The following PLCL1 variants were observed in gnomAD, a reference collection of about 807,000 sequenced individuals.
PLCL1 encodes the protein phospholipase C like 1 (inactive).
In PLCL1, 41 loss-of-function variants were observed where a neutral mutation model predicts 84.4. That is an observed-to-expected ratio of 0.49 (90% CI 0.38 to 0.63). PLCL1 has a LOEUF of 0.63. Among genes scored for constraint, PLCL1 ranks in the 30% least tolerant of loss-of-function variants. PLCL1 has a pLI of 0.00. For synonymous variants in PLCL1, 490 were observed against 488.3 expected (o/e 1.00, Z -0.05); for missense variants, 1,206 against 1,367.8 (o/e 0.88, Z 1.87).
At chr2:198,143,639 G>A (rs1399315900) in intron 5 of PLCL1, among the ~76,000 whole-genome samples, 1 of 152,106 alleles carries the variant, frequency 6.6e-6, no homozygotes, top group Non-Finnish European at 1.5e-5. Flanking sequence ...GAAAATGCCA[G>A]GGTGGTGGTT....
At chr2:197,960,126 G>T (rs1689581785) in intron 1 of PLCL1, among the ~76,000 whole-genome samples, 1 of 151,984 alleles carries the variant, frequency 6.6e-6, no homozygotes, top group African/African-American at 2.4e-5. Flanking sequence ...TCAGATCACT[G>T]CCTTCTTTCA....
intron 1 of PLCL1, among the ~76,000 whole-genome samples, chr2:198,043,508 A>T (rs570855736): frequency 6.6e-6 from 1 of 152,316 alleles, no homozygotes; most frequent in African/African-American, 2.4e-5. Flanking sequence ...CTTGCCATCA[A>T]CGTGGCAAGG....
chr2:197,965,641 T>C (rs770336558), intron 1 of PLCL1, among the ~76,000 whole-genome samples: 27 of 152,218 alleles, frequency 1.8e-4, no homozygotes, highest in Non-Finnish European at 3.2e-4. Flanking sequence ...ATTAGATTGC[T>C]TATTTGAAGT....
intron 1 of PLCL1, among the ~76,000 whole-genome samples, chr2:198,010,996 A>T (rs950130529): frequency 6.6e-6 from 1 of 151,706 alleles, no homozygotes; most frequent in Non-Finnish European, 1.5e-5. Flanking sequence ...AATTTTAGCC[A>T]TAGAGTCTTC....
Position 197,894,585 on chromosome 2 carries a change from G to A in PLCL1, c.240+89246G>A, listed in dbSNP as rs116523769. 4.8e-3 allele frequency among the ~76,000 whole-genome samples: 724 copies of A among 151,832 alleles called. 8 individuals carry two copies. The highest frequency in any genetic ancestry group is 0.016 in the African/African-American group (673 of 41,450). ...CATCCTTTGTAAATGTTTATTTTATGCATGCATGTAAATTAGTTAAGAATT... is the reference window on the plus strand; with the variant it reads ...CATCCTTTGTAAATGTTTATTTTATACATGCATGTAAATTAGTTAAGAATT... On this transcript the variant is annotated intron_variant, in intron 1 of 5. Transcript: ENST00000428675.
Position 198,090,672 on chromosome 2 carries a change from T to C in PLCL1, c.2919+1611T>C, listed in dbSNP as rs950111314. Among the ~76,000 whole-genome samples the C allele has an allele frequency of 1.8e-4, 28 of 152,226 alleles. 1 individual carries two copies. The highest frequency in any genetic ancestry group is 1.6e-3 in the Admixed American group (24 of 15,284). ...TTTCATGAAATCAACTTTTTCATCA[T>C]AAAAATGGGGACTGAAAGCTATTCA... On this transcript the variant is annotated intron_variant, in intron 3 of 5. Transcript: ENST00000428675.
chr2:198,111,485 C>T (rs988564866), intron 5 of PLCL1, among the ~76,000 whole-genome samples: 1 of 151,844 alleles, frequency 6.6e-6, no homozygotes, highest in East Asian at 1.9e-4. Flanking sequence ...TCTTCAACTA[C>T]CCCTTATAAT....
chr2:197,914,335 T>A (rs1017962468), intron 1 of PLCL1, among the ~76,000 whole-genome samples: 2 of 150,562 alleles, frequency 1.3e-5, no homozygotes, highest in Admixed American at 6.6e-5. Context: ...TTATGTTATT[T>A]TTTTTTTTTT....
At chr2:198,107,551 A>G (rs1049414637) in intron 5 of PLCL1, among the ~76,000 whole-genome samples, 3 of 151,970 alleles carry the variant, frequency 2.0e-5, no homozygotes, top group Non-Finnish European at 4.4e-5. Context: ...AAAACTAGAC[A>G]GCATATATGT....
chr2:198,140,614 C>A (rs981310382), intron 5 of PLCL1, among the ~76,000 whole-genome samples: 2 of 152,038 alleles, frequency 1.3e-5, no homozygotes, highest in African/African-American at 2.4e-5. Flanking sequence ...TTTCAAATTT[C>A]TTTCAAATTT....
intron 1 of PLCL1, among the ~76,000 whole-genome samples, chr2:198,052,952 A>G (rs1408809305): frequency 1.3e-5 from 2 of 152,244 alleles, no homozygotes; most frequent in African/African-American, 4.8e-5. Flanking sequence ...TATGCTATAT[A>G]TAGCCCATGA....
At chr2:197,806,874 A>G (rs1690497514) in intron 1 of PLCL1, among the ~76,000 whole-genome samples, 1 of 152,244 alleles carries the variant, frequency 6.6e-6, no homozygotes, top group African/African-American at 2.4e-5. Flanking sequence ...GTAATGGAGT[A>G]TAAGGAATAT....
At position 198,088,869 on chromosome 2, in the gene PLCL1, G is replaced by T; in HGVS notation, c.2727G>T (p.Val909=). The T allele has an allele frequency of 6.2e-7, 1 of 1,605,006 alleles. No homozygotes were observed. Among genetic ancestry groups the T allele is most frequent in the Non-Finnish European group, 8.5e-7 (1 of 1,171,714 alleles). ...TTTCTTCCTCACAGAATGCAATCGT[G>T]TCTATTAAGGAACTATGTGGACTCC... ...DMRENMQNAI[V]SIKELCGLPP... is the part of the protein sequence containing the mutation. Residue 909 remains valine (V), a synonymous_variant, in exon 3 of 6, where the codon GTG becomes GTT. Transcript: ENST00000428675.
intron 1 of PLCL1, among the ~76,000 whole-genome samples, chr2:197,936,800 G>A (rs148150949): frequency 1.2e-3 from 181 of 152,016 alleles, no homozygotes; most frequent in African/African-American, 4.2e-3. Context: ...GTGCTTTTAA[G>A]GTGCTTAAGG....
intron 5 of PLCL1, among the ~76,000 whole-genome samples, chr2:198,130,596 G>A (rs1574333875): frequency 6.6e-6 from 1 of 152,158 alleles, no homozygotes; most frequent in East Asian, 1.9e-4. Context: ...CATGTCTCCA[G>A]CTGTGCTTAT....
chr2:197,880,106 C>A (rs1189618775), intron 1 of PLCL1, among the ~76,000 whole-genome samples: 6 of 152,060 alleles, frequency 3.9e-5, no homozygotes, highest in Non-Finnish European at 8.8e-5. Context: ...AATTATTGCC[C>A]AACCTTAGAA....
At chr2:197,958,434 A>T (rs1237670078) in intron 1 of PLCL1, among the ~76,000 whole-genome samples, 3 of 152,076 alleles carry the variant, frequency 2.0e-5, no homozygotes, top group Non-Finnish European at 4.4e-5. Context: ...GGCCGCATTC[A>T]AAGCTGTCCT....
At chr2:198,137,316 G>A (rs996403688) in intron 5 of PLCL1, among the ~76,000 whole-genome samples, 1 of 152,074 alleles carries the variant, frequency 6.6e-6, no homozygotes, top group Non-Finnish European at 1.5e-5. Flanking sequence ...GGAGTCCTTC[G>A]AATGGCTCGA....
At chr2:197,917,936 C>A (rs1170641683) in intron 1 of PLCL1, among the ~76,000 whole-genome samples, 1 of 152,128 alleles carries the variant, frequency 6.6e-6, no homozygotes, top group Non-Finnish European at 1.5e-5. Flanking sequence ...GTACTGGAAC[C>A]TGCCCCACCG....
Sources: allele counts gnomAD v4.1 joint callset (sites outside exome capture counted in the v4.1 genomes callset), GRCh38; gene constraint gnomAD v4.1.1; transcripts MANE v1.5; gene names NCBI Gene and HGNC (gene_info 2026-07-23, HGNC 2026-07-21).